RARB: variants seen among roughly 807,000 people sequenced by gnomAD.
RARB encodes retinoic acid receptor beta, also known as HBV-activated protein.
A neutral mutation model predicts 51.9 loss-of-function variants in RARB; 17 were observed. That is an observed-to-expected ratio of 0.33 (90% confidence interval 0.22 to 0.49). The LOEUF is 0.49. Among genes scored for constraint, RARB ranks in the 20% least tolerant of loss-of-function variants. The pLI, the probability that RARB is intolerant of heterozygous loss-of-function variation, is 0.99. For missense variants in RARB, 369 were observed against 550.8 expected (o/e 0.67, Z 3.30); for synonymous variants, 215 against 195.4 (o/e 1.10, Z -0.84).
chr3:25,014,376 T>G (rs1422585861), intron 2 of RARB, among the ~76,000 whole-genome samples: 1 of 152,118 alleles, frequency 6.6e-6, no homozygotes, highest in African/African-American at 2.4e-5. Context: ...GTAAGGAATT[T>G]AAGCTATTTA....
At chr3:24,894,036 A>G (rs2125366303) in intron 2 of RARB, among the ~76,000 whole-genome samples, 2 of 152,330 alleles carry the variant, frequency 1.3e-5, no homozygotes, top group South Asian at 2.1e-4. Flanking sequence ...AGATGGCAGA[A>G]TCCTATTCAA....
At chr3:25,020,391 C>T (rs1697608521) in intron 2 of RARB, 1 of 152,042 alleles carries the variant, frequency 6.6e-6, no homozygotes, top group Non-Finnish European at 1.5e-5. Context: ...GCCCAGGGCT[C>T]CTGGGCTCAA....
At chr3:25,438,335 T>A (rs199813395) in intron 1 of RARB, among the ~76,000 whole-genome samples, 1 of 132,516 alleles carries the variant, frequency 7.5e-6, no homozygotes, top group East Asian at 2.3e-4. Flanking sequence ...CAGCCCAGAT[T>A]CAATAACTAC....
chr3:25,210,529 CTTTT>C (rs773846113), intron 5 of RARB, among the ~76,000 whole-genome samples: 1,460 of 27,644 alleles, frequency 0.053, 111 homozygotes, highest in Middle Eastern at 0.077. Flanking sequence ...TTATCTGATT[CTTTT>C]TTTTTTTTTT....
At chr3:25,544,579 C>T (rs1248091306) in intron 3 of RARB, among the ~76,000 whole-genome samples, 1 of 152,178 alleles carries the variant, frequency 6.6e-6, no homozygotes, top group Non-Finnish European at 1.5e-5. Context: ...AAAAAATCCT[C>T]CTCCTCTTCC....
intron 1 of RARB, among the ~76,000 whole-genome samples, chr3:24,830,484 C>T (rs1030148849): frequency 1.4e-5 from 2 of 139,634 alleles, no homozygotes; most frequent in African/African-American, 5.4e-5. Context: ...GGGTGCTGGA[C>T]CGCCCGCTGT....
intron 3 of RARB, among the ~76,000 whole-genome samples, chr3:25,073,099 C>T (rs1302807087): frequency 6.6e-6 from 1 of 152,130 alleles, no homozygotes; most frequent in African/African-American, 2.4e-5. Context: ...GTAAGACACC[C>T]CAGAACAAGA....
intron 7 of RARB, 115 bp from the exon 8 acceptor site, chr3:25,596,305 C>T: frequency 3.6e-6 from 3 of 839,242 alleles, no homozygotes; most frequent in Non-Finnish European, 5.5e-6. Flanking sequence ...TTCATAATTC[C>T]TAAGCAAGAA....
chr3:25,386,146 TG>T (rs1419664256), intron 5 of RARB, among the ~76,000 whole-genome samples: 1 of 152,112 alleles, frequency 6.6e-6, no homozygotes, highest in Non-Finnish European at 1.5e-5. Flanking sequence ...CAAACAGAGC[TG>T]TGGAACCACA....
intron 5 of RARB, among the ~76,000 whole-genome samples, chr3:25,344,584 T>A (rs1450286001): frequency 6.6e-6 from 1 of 152,198 alleles, no homozygotes; most frequent in Non-Finnish European, 1.5e-5. Context: ...GACAAACACA[T>A]GTTTTTTCCT....
At chr3:25,441,117 C>G (rs1708660310) in intron 1 of RARB, 1 of 156,014 alleles carries the variant, frequency 6.4e-6, no homozygotes, top group Admixed American at 6.5e-5. Flanking sequence ...GAAATGTTTC[C>G]CATCATAGTG....
At chr3:25,457,552 C>T (rs1694980369) in intron 1 of RARB, among the ~76,000 whole-genome samples, 1 of 152,164 alleles carries the variant, frequency 6.6e-6, no homozygotes, top group South Asian at 2.1e-4. Context: ...TGACTCTTAT[C>T]CATAGGAAAA....
intron 5 of RARB, among the ~76,000 whole-genome samples, chr3:25,192,674 A>G (rs1701133523): frequency 6.6e-6 from 1 of 152,070 alleles, no homozygotes; most frequent in Non-Finnish European, 1.5e-5. Context: ...AATGAGTGGC[A>G]CAAGGATGTT....
chr3:25,445,780 A>G (rs1231442308), intron 1 of RARB, among the ~76,000 whole-genome samples: 2 of 152,228 alleles, frequency 1.3e-5, no homozygotes, highest in African/African-American at 4.8e-5. Flanking sequence ...CAAAAAAGCA[A>G]TTGGAGCGAA....
chr3:25,249,280 G>C (rs2125400641), intron 5 of RARB, among the ~76,000 whole-genome samples: 1 of 151,602 alleles, frequency 6.6e-6, no homozygotes, highest in East Asian at 1.9e-4. Context: ...GAATTTGTTT[G>C]GTTCTTTATT....
At chr3:25,495,953 C>T (rs963589112) in intron 2 of RARB, among the ~76,000 whole-genome samples, 11 of 152,186 alleles carry the variant, frequency 7.2e-5, no homozygotes, top group Admixed American at 3.9e-4. Flanking sequence ...ACATAGTCAA[C>T]GTGCACAAGT....
At chr3:25,262,713 G>A (rs1703032563) in intron 5 of RARB, among the ~76,000 whole-genome samples, 1 of 152,152 alleles carries the variant, frequency 6.6e-6, no homozygotes, top group Non-Finnish European at 1.5e-5. Flanking sequence ...GGAAATCCAG[G>A]AGAATCTTCC....
chr3:25,511,952 A>G (rs1697915043), intron 3 of RARB, among the ~76,000 whole-genome samples: 1 of 152,192 alleles, frequency 6.6e-6, no homozygotes, highest in African/African-American at 2.4e-5. Context: ...ATGCTGCTTA[A>G]AGCCTGGACT....
intron 7 of RARB, among the ~76,000 whole-genome samples, chr3:25,595,371 G>GT (rs1701778659): frequency 1.3e-5 from 2 of 152,134 alleles, no homozygotes; most frequent in Admixed American, 1.3e-4. Context: ...AATAAACTCT[G>GT]TATTTCAGAA....
Sources: allele counts gnomAD v4.1 joint callset (sites outside exome capture counted in the v4.1 genomes callset), GRCh38; gene constraint gnomAD v4.1.1; transcripts MANE v1.5; gene names NCBI Gene and HGNC (gene_info 2026-07-23, HGNC 2026-07-21).